SH3RF3: variants seen among roughly 807,000 people sequenced by gnomAD.
SH3RF3 encodes SH3 domain containing ring finger 3.
In SH3RF3, 29 loss-of-function variants were observed where a neutral mutation model predicts 66.3. The observed-to-expected ratio is 0.44, with a 90% CI of 0.33 to 0.60. SH3RF3 has a LOEUF of 0.60. Among genes scored for constraint, SH3RF3 ranks in the 20% least tolerant of loss-of-function variants. The probability of loss-of-function intolerance (pLI) is 0.04; values close to 1 mark genes in which losing one functional copy is unlikely to be tolerated. For missense variants in SH3RF3, 1,194 were observed against 1,190.9 expected (o/e 1.00, Z -0.04); for synonymous variants, 583 against 532.0 (o/e 1.10, Z -1.32).
Position 109,398,947 on chromosome 2 carries a change from A to G in SH3RF3, c.1299+4A>G. ...GTCGTGCGCTGCTCCCACCCAGGTAACATCCCGCGGGCCAGGGCAGGCATC... is the reference window on the plus strand; with the variant it reads ...GTCGTGCGCTGCTCCCACCCAGGTAGCATCCCGCGGGCCAGGGCAGGCATC... On this transcript the variant is annotated splice_donor_region_variant and intron_variant, in intron 4 of 9. Transcript: ENST00000309415. The G allele has an allele frequency of 6.2e-7, 1 of 1,607,828 alleles. No homozygotes were observed. Among genetic ancestry groups the G allele is most frequent in the Non-Finnish European group, 8.5e-7 (1 of 1,177,898 alleles).
chr2:109,363,270 A>G (rs1683088867), intron 2 of SH3RF3, among the ~76,000 whole-genome samples: 1 of 152,040 alleles, frequency 6.6e-6, no homozygotes, highest in African/African-American at 2.4e-5. Flanking sequence ...GGAGTCTGCA[A>G]TATTCATTTA....
At chr2:109,466,439 T>A (rs1047251066) in intron 8 of SH3RF3, among the ~76,000 whole-genome samples, 1 of 152,156 alleles carries the variant, frequency 6.6e-6, no homozygotes, top group African/African-American at 2.4e-5. Context: ...AATTGGGTTG[T>A]TTGTTTTCTT....
At chr2:109,146,296 G>A (rs182929143) in intron 1 of SH3RF3, among the ~76,000 whole-genome samples, 148 of 152,298 alleles carry the variant, frequency 9.7e-4, no homozygotes, top group African/African-American at 3.4e-3. Context: ...TCCCTGAAAT[G>A]TTACTGGGAC....
chr2:109,443,307 C>G (rs1472392710), intron 7 of SH3RF3, among the ~76,000 whole-genome samples: 8 of 152,234 alleles, frequency 5.3e-5, no homozygotes, highest in African/African-American at 1.9e-4. Flanking sequence ...CAACTGGCCT[C>G]AGAGCCAAAA....
rs139618488 is a variant in SH3RF3, at chr2:109,276,101, G to A, written c.574-71573G>A. On this transcript the variant is annotated intron_variant, in intron 1 of 9. Transcript: ENST00000309415. ...TGCTCTTCCCAGGAAGGGGGATCTC[G>A]GACCCAGTGATGGTAGAAGGCATTC... Among the ~76,000 whole-genome samples the A allele has an allele frequency of 4.1e-3, 629 of 152,192 alleles. 1 individual carries two copies. The highest frequency in any genetic ancestry group is 0.014 in the African/African-American group (585 of 41,540).
intron 2 of SH3RF3, among the ~76,000 whole-genome samples, chr2:109,368,123 C>A (rs1683185516): frequency 6.6e-6 from 1 of 152,096 alleles, no homozygotes; most frequent in Non-Finnish European, 1.5e-5. Flanking sequence ...GATTTTTGGC[C>A]TTGGCCTATT....
intron 2 of SH3RF3, among the ~76,000 whole-genome samples, chr2:109,370,664 T>A (rs1459989253): frequency 1.3e-5 from 2 of 152,168 alleles, no homozygotes; most frequent in East Asian, 1.9e-4. Context: ...GCCCTGCCAT[T>A]CGTCTCTGTG....
chr2:109,474,309 G>A (rs1179247641), intron 8 of SH3RF3, among the ~76,000 whole-genome samples: 1 of 152,182 alleles, frequency 6.6e-6, no homozygotes, highest in East Asian at 1.9e-4. Flanking sequence ...TTAGTTATGT[G>A]TCAGGCTGTT....
At chr2:109,191,329 C>T (rs1252487943) in intron 1 of SH3RF3, among the ~76,000 whole-genome samples, 1 of 152,218 alleles carries the variant, frequency 6.6e-6, no homozygotes, top group African/African-American at 2.4e-5. Flanking sequence ...TCATTAGGAG[C>T]TCCGTGAGGA....
At chr2:109,148,384 C>G (rs1403444348) in intron 1 of SH3RF3, among the ~76,000 whole-genome samples, 2 of 152,178 alleles carry the variant, frequency 1.3e-5, no homozygotes, top group African/African-American at 2.4e-5. Context: ...CATGAGCCAG[C>G]CATCATAGGG....
At chr2:109,222,327 A>G (rs1679273115) in intron 1 of SH3RF3, among the ~76,000 whole-genome samples, 1 of 152,246 alleles carries the variant, frequency 6.6e-6, no homozygotes. Context: ...ATTTTACAAT[A>G]GCTAAAAGAG....
At chr2:109,134,336 GCTGGCACTTGGGGGCCTCACCAAA>G (rs1298310793) in intron 1 of SH3RF3, among the ~76,000 whole-genome samples, 8 of 152,168 alleles carry the variant, frequency 5.3e-5, no homozygotes, top group African/African-American at 1.9e-4. Context: ...AGAGGAAAAG[GCTGGCACTTGGGGGCCTCACCAAA>G]AACCAGACAG....
intron 1 of SH3RF3, among the ~76,000 whole-genome samples, chr2:109,311,659 A>G (rs1227852691): frequency 2.0e-5 from 3 of 152,198 alleles, no homozygotes; most frequent in Non-Finnish European, 4.4e-5. Flanking sequence ...TGAGCACTTG[A>G]GAGGAGACCC....
chr2:109,203,382 T>C (rs766652994), intron 1 of SH3RF3, among the ~76,000 whole-genome samples: 128 of 152,198 alleles, frequency 8.4e-4, no homozygotes, highest in Non-Finnish European at 1.8e-4. Context: ...ACGGATGGCC[T>C]TGGGAGGGTG....
At chr2:109,312,863 C>T (rs373623033) in intron 1 of SH3RF3, among the ~76,000 whole-genome samples, 2 of 152,166 alleles carry the variant, frequency 1.3e-5, no homozygotes, top group East Asian at 1.9e-4. Flanking sequence ...GAACACCTGT[C>T]TTAGATTTTG....
At chr2:109,481,601 G>A (rs568852023) in intron 8 of SH3RF3, among the ~76,000 whole-genome samples, 4 of 152,182 alleles carry the variant, frequency 2.6e-5, no homozygotes, top group South Asian at 2.1e-4. Flanking sequence ...CTAAACGTGC[G>A]CTTCATCCCT....
intron 1 of SH3RF3, among the ~76,000 whole-genome samples, chr2:109,170,315 TCC>T (rs760331729): frequency 2.9e-5 from 4 of 140,182 alleles, no homozygotes; most frequent in African/African-American, 1.1e-4. Flanking sequence ...TTCTCTTCTC[TCC>T]TCTCTCTCTC....
intron 1 of SH3RF3, among the ~76,000 whole-genome samples, chr2:109,224,400 A>G (rs918480414): frequency 6.6e-6 from 1 of 152,156 alleles, no homozygotes; most frequent in Non-Finnish European, 1.5e-5. Flanking sequence ...TTAAATCTGC[A>G]TTTTGTTCTG....
chr2:109,463,771 A>G (rs1309353547), intron 8 of SH3RF3, among the ~76,000 whole-genome samples: 1 of 152,206 alleles, frequency 6.6e-6, no homozygotes, highest in East Asian at 1.9e-4. Flanking sequence ...TGCTAAGACC[A>G]TGGAGAATGA....
Sources: gnomAD v4.1 joint callset for allele counts (sites outside exome capture counted in the v4.1 genomes callset) on GRCh38, gnomAD v4.1.1 for gene constraint, MANE v1.5 for transcripts, NCBI Gene and HGNC (gene_info 2026-07-23, HGNC 2026-07-21) for gene names.